Variants in DLG2 observed in about 807,000 individuals in gnomAD.
DLG2 encodes the protein discs large MAGUK scaffold protein 2.
In DLG2, 45 loss-of-function variants were observed where a neutral mutation model predicts 132.5. That is an observed-to-expected ratio of 0.34 (90% CI 0.27 to 0.44). The LOEUF is 0.44. Among genes scored for constraint, DLG2 ranks in the 20% least tolerant of loss-of-function variants. The pLI, the probability that DLG2 is intolerant of heterozygous loss-of-function variation, is 1.00. For synonymous variants in DLG2, 424 were observed against 419.6 expected, an observed-to-expected ratio of 1.01 and a Z score of -0.13; for missense variants, 1,045 against 1,196.9, an observed-to-expected ratio of 0.87 and a Z score of 1.87.
chr11:84,350,804 G>A (rs900727320), intron 7 of DLG2, among the ~76,000 whole-genome samples: 2 of 152,056 alleles, frequency 1.3e-5, no homozygotes, highest in African/African-American at 4.8e-5. Flanking sequence ...TGAACAAATG[G>A]TATTAATGGA....
intron 7 of DLG2, among the ~76,000 whole-genome samples, chr11:84,462,488 C>T (rs606834): frequency 0.81 from 121,588 of 150,960 alleles, 50,287 homozygotes; most frequent in African/African-American, 0.96. Flanking sequence ...GAAACATTGC[C>T]CAGCCTCTAC....
intron 3 of DLG2, among the ~76,000 whole-genome samples, chr11:85,504,682 T>C (rs1000212520): frequency 1.2e-4 from 18 of 152,302 alleles, no homozygotes; most frequent in Non-Finnish European, 2.2e-4. Context: ...CTTAGGATTG[T>C]CTTGGCAATG....
intron 3 of DLG2, among the ~76,000 whole-genome samples, chr11:85,358,949 A>C (rs904129548): frequency 6.6e-6 from 1 of 152,102 alleles, no homozygotes; most frequent in Non-Finnish European, 1.5e-5. Flanking sequence ...TTCTCTTCAG[A>C]ACTCACTACT....
At chr11:83,738,041 A>T (rs941667747) in intron 18 of DLG2, among the ~76,000 whole-genome samples, 1 of 152,188 alleles carries the variant, frequency 6.6e-6, no homozygotes, top group African/African-American at 2.4e-5. Context: ...AGATGAGAGG[A>T]TGGCATTGGA....
intron 3 of DLG2, among the ~76,000 whole-genome samples, chr11:85,517,942 T>C (rs1250474808): frequency 6.6e-6 from 1 of 152,190 alleles, no homozygotes; most frequent in Admixed American, 6.5e-5. Context: ...CCTGCACAAG[T>C]TCTTTTCCCT....
chr11:84,861,937 C>CA (rs1212644575), intron 6 of DLG2, among the ~76,000 whole-genome samples: 1 of 148,426 alleles, frequency 6.7e-6, no homozygotes, highest in Non-Finnish European at 1.5e-5. Flanking sequence ...ATCGCAAGAA[C>CA]AAAAAACCAA....
rs60850924 is a variant in DLG2 at position 83,689,969 on chromosome 11, T to TTTATA, written c.1826-56649_1826-56645dup. ...ATTATATATATTTATATAATATATA[T>TTTATA]TTATATTATAATATATTTATTATAA... On this transcript the variant is annotated intron_variant, in intron 18 of 27. Coordinates refer to ENST00000376104, the MANE Select transcript of DLG2 (RefSeq NM_001142699.3). Among the ~76,000 whole-genome samples, 504 of 110,108 alleles carry TTTATA rather than the reference T, an allele frequency of 4.6e-3. 8 individuals carry two copies. The highest frequency in any genetic ancestry group is 0.016 in the African/African-American group (461 of 28,622). 72.2% of individuals were successfully genotyped at this position (110,108 alleles called of 152,430 possible). A position where few individuals can be genotyped will look rare whatever the true frequency, so the allele number is the denominator to read the frequency against.
chr11:85,248,957 A>G, intron 4 of DLG2, among the ~76,000 whole-genome samples: 1 of 152,100 alleles, frequency 6.6e-6, no homozygotes, highest in East Asian at 1.9e-4. Flanking sequence ...AGTAGAGGAT[A>G]TTTCAAAATT....
At chr11:85,236,928 C>T (rs1036593050) in intron 4 of DLG2, among the ~76,000 whole-genome samples, 8 of 152,028 alleles carry the variant, frequency 5.3e-5, no homozygotes, top group Non-Finnish European at 1.2e-4. Flanking sequence ...TCAATCCACC[C>T]TTTCTCCCCA....
At chr11:85,395,432 G>A (rs1413924122) in intron 3 of DLG2, among the ~76,000 whole-genome samples, 2 of 152,106 alleles carry the variant, frequency 1.3e-5, no homozygotes, top group East Asian at 3.9e-4. Flanking sequence ...CATGGAGGGT[G>A]AGCTGAAGCA....
intron 7 of DLG2, among the ~76,000 whole-genome samples, chr11:84,286,877 C>T (rs1170946207): frequency 1.3e-5 from 2 of 152,148 alleles, no homozygotes; most frequent in Non-Finnish European, 2.9e-5. Flanking sequence ...TTTCCCATCT[C>T]TCTGCAGAAG....
chr11:84,121,138 C>A (rs112480281), intron 9 of DLG2, among the ~76,000 whole-genome samples: 1,883 of 152,258 alleles, frequency 0.012, 33 homozygotes, highest in African/African-American at 0.043. Flanking sequence ...ACAAAACAGG[C>A]ACAGTCCTCA....
At chr11:84,733,398 T>C (rs1353529905) in intron 6 of DLG2, among the ~76,000 whole-genome samples, 7 of 152,248 alleles carry the variant, frequency 4.6e-5, no homozygotes, top group Non-Finnish European at 1.0e-4. Context: ...CCAGTGATGA[T>C]GAGCATTTTT....
intron 6 of DLG2, among the ~76,000 whole-genome samples, chr11:84,652,224 C>A (rs1043943430): frequency 6.6e-6 from 1 of 152,148 alleles, no homozygotes; most frequent in South Asian, 2.1e-4. Context: ...CTAAGTTAGA[C>A]ATTTGTGTGT....
intron 18 of DLG2, among the ~76,000 whole-genome samples, chr11:83,711,115 C>T (rs1214527672): frequency 6.6e-6 from 1 of 152,154 alleles, no homozygotes; most frequent in Non-Finnish European, 1.5e-5. Context: ...CCTTATTGAA[C>T]TGTGCATTCA....
intron 18 of DLG2, among the ~76,000 whole-genome samples, chr11:83,717,958 T>C (rs1174986750): frequency 2.6e-5 from 4 of 152,290 alleles, no homozygotes; most frequent in South Asian, 4.2e-4. Flanking sequence ...ACTGACTCAA[T>C]AGTAAAGGAA....
chr11:84,568,228 G>A (rs1201969789), intron 6 of DLG2, among the ~76,000 whole-genome samples: 1 of 152,180 alleles, frequency 6.6e-6, no homozygotes, highest in Non-Finnish European at 1.5e-5. Flanking sequence ...CCAACCTCTG[G>A]CTGAGTACGT....
intron 7 of DLG2, among the ~76,000 whole-genome samples, chr11:84,416,527 GA>G (rs1484456316): frequency 6.6e-6 from 1 of 152,202 alleles, no homozygotes; most frequent in African/African-American, 2.4e-5. Flanking sequence ...TGACTACTCT[GA>G]CAAAATAACA....
intron 3 of DLG2, among the ~76,000 whole-genome samples, chr11:85,414,690 G>T: frequency 6.6e-6 from 1 of 151,896 alleles, no homozygotes; most frequent in Non-Finnish European, 1.5e-5. Flanking sequence ...TGCTGTAAGT[G>T]GAGTATTGAA....
Sources: gnomAD v4.1 joint callset for allele counts (sites outside exome capture counted in the v4.1 genomes callset) on GRCh38, gnomAD v4.1.1 for gene constraint, MANE v1.5 for transcripts, NCBI Gene and HGNC (gene_info 2026-07-23, HGNC 2026-07-21) for gene names.